UTRN: variants seen among roughly 807,000 people sequenced by gnomAD.
UTRN encodes the protein utrophin.
UTRN carries 283 observed loss-of-function variants against 463.9 expected under a neutral mutation model. That is an observed-to-expected ratio of 0.61 (90% confidence interval 0.55 to 0.67). The LOEUF is 0.67. Ranked by LOEUF, UTRN falls within the 30% of genes least tolerant of loss-of-function variation. UTRN has a pLI of 0.00. For synonymous variants in UTRN, 1,442 were observed against 1,431.5 expected (o/e 1.01, Z -0.17); for missense variants, 3,922 against 4,084.3 (o/e 0.96, Z 1.08).
chr6:144,683,527 T>G (rs182302848), intron 52 of UTRN, among the ~76,000 whole-genome samples: 2 of 152,296 alleles, frequency 1.3e-5, no homozygotes, highest in East Asian at 3.9e-4. Context: ...AGCACACTGT[T>G]CAGCCCTACT....
At chr6:144,661,465 G>C (rs1196374023) in intron 51 of UTRN, among the ~76,000 whole-genome samples, 2 of 152,052 alleles carry the variant, frequency 1.3e-5, no homozygotes, top group South Asian at 4.1e-4. Flanking sequence ...AACACAGGGC[G>C]GACTTCGACC....
At chr6:144,786,243 A>T (rs1776279652) in intron 61 of UTRN, among the ~76,000 whole-genome samples, 1 of 151,992 alleles carries the variant, frequency 6.6e-6, no homozygotes, top group Non-Finnish European at 1.5e-5. Context: ...CAACCAGTTA[A>T]CCTTGATGCA....
At chr6:144,291,245 C>G (rs181089826) in intron 1 of UTRN, among the ~76,000 whole-genome samples, 1 of 152,248 alleles carries the variant, frequency 6.6e-6, no homozygotes, top group Non-Finnish European at 1.5e-5. Flanking sequence ...ACACTTGTCT[C>G]TTGGCTGTCT....
chr6:144,625,657 A>G (rs1775867444), intron 51 of UTRN, among the ~76,000 whole-genome samples: 1 of 152,230 alleles, frequency 6.6e-6, no homozygotes, highest in Non-Finnish European at 1.5e-5. Context: ...GGAATGTGCT[A>G]ATGCAAATAC....
chr6:144,442,063 A>G (rs970724360), intron 13 of UTRN, among the ~76,000 whole-genome samples: 5 of 151,788 alleles, frequency 3.3e-5, no homozygotes, highest in Non-Finnish European at 5.9e-5. Flanking sequence ...TGATGTGAAG[A>G]CCTCTGACAT....
At chr6:144,340,361 A>G (rs1207716070) in intron 2 of UTRN, among the ~76,000 whole-genome samples, 1 of 152,188 alleles carries the variant, frequency 6.6e-6, no homozygotes, top group Non-Finnish European at 1.5e-5. Flanking sequence ...AAAGCCAAGA[A>G]GGTTTACAGA....
chr6:144,772,254 G>A (rs1217258849), intron 59 of UTRN, among the ~76,000 whole-genome samples: 1 of 150,872 alleles, frequency 6.6e-6, no homozygotes, highest in African/African-American at 2.4e-5. Flanking sequence ...GGCTGGTCTC[G>A]AACTCCTGAG....
chr6:144,343,541 C>T (rs1159087283), intron 2 of UTRN, among the ~76,000 whole-genome samples: 2 of 151,154 alleles, frequency 1.3e-5, no homozygotes, highest in Non-Finnish European at 2.9e-5. Flanking sequence ...GCCTGGGTGA[C>T]GAGTGAAAAA....
chr6:144,393,369 A>G (rs1365227651), intron 2 of UTRN, among the ~76,000 whole-genome samples: 1 of 152,254 alleles, frequency 6.6e-6, no homozygotes, highest in Non-Finnish European at 1.5e-5. Context: ...TTCTTTTGGA[A>G]GTTCACGAAC....
intron 74 of UTRN, among the ~76,000 whole-genome samples, chr6:144,849,991 C>T (rs1782348636): frequency 6.6e-6 from 1 of 152,202 alleles, no homozygotes; most frequent in Non-Finnish European, 1.5e-5. Context: ...TTGAATGAGG[C>T]TGCCTGGCTG....
chr6:144,629,421 T>C (rs146480443), intron 51 of UTRN, among the ~76,000 whole-genome samples: 42 of 152,340 alleles, frequency 2.8e-4, no homozygotes, highest in African/African-American at 9.4e-4. Context: ...CAGGAAAGTA[T>C]GTAAAACATA....
At chr6:144,488,226 A>T (rs1012492955) in intron 29 of UTRN, among the ~76,000 whole-genome samples, 1 of 152,198 alleles carries the variant, frequency 6.6e-6, no homozygotes, top group African/African-American at 2.4e-5. Context: ...AAGTGCTGTA[A>T]ATAGTAGTTT....
At chr6:144,640,926 A>T (rs965481882) in intron 51 of UTRN, among the ~76,000 whole-genome samples, 2 of 152,216 alleles carry the variant, frequency 1.3e-5, no homozygotes, top group Non-Finnish European at 2.9e-5. Flanking sequence ...ATTAATAAGT[A>T]AATAAAGTGA....
intron 52 of UTRN, among the ~76,000 whole-genome samples, chr6:144,690,679 C>A (rs1783308227): frequency 6.6e-6 from 1 of 152,118 alleles, no homozygotes; most frequent in Admixed American, 6.5e-5. Flanking sequence ...TCCCTTCATC[C>A]CTCTGGAGAC....
chr6:144,714,863 T>C (rs1046443909), intron 53 of UTRN, among the ~76,000 whole-genome samples: 1 of 152,174 alleles, frequency 6.6e-6, no homozygotes, highest in African/African-American at 2.4e-5. Flanking sequence ...TGCTGACTTA[T>C]TAACTGTTCC....
intron 53 of UTRN, 96 bp from the exon 54 acceptor site, chr6:144,730,261 T>C: frequency 7.8e-7 from 1 of 1,286,278 alleles, no homozygotes; most frequent in Non-Finnish European, 1.0e-6. Context: ...AGTCATTTTC[T>C]TGCTAAGTGT....
intron 17 of UTRN, among the ~76,000 whole-genome samples, chr6:144,450,227 A>AC (rs1788126475): frequency 6.6e-6 from 1 of 151,670 alleles, no homozygotes; most frequent in Admixed American, 6.6e-5. Flanking sequence ...CATGCATAGA[A>AC]CTCTCCCTTG....
At chr6:144,406,470 G>A (rs1360043549) in intron 3 of UTRN, among the ~76,000 whole-genome samples, 4 of 150,440 alleles carry the variant, frequency 2.7e-5, no homozygotes, top group South Asian at 2.1e-4. Flanking sequence ...AGGTTGCAGC[G>A]ATTCTCCTGC....
At chr6:144,825,844 G>A (rs1236513966) in intron 66 of UTRN, among the ~76,000 whole-genome samples, 1 of 151,968 alleles carries the variant, frequency 6.6e-6, no homozygotes, top group Non-Finnish European at 1.5e-5. Flanking sequence ...CTAATACTAT[G>A]TTGTTTTATT....
Sources: allele counts gnomAD v4.1 joint callset (sites outside exome capture counted in the v4.1 genomes callset), GRCh38; gene constraint gnomAD v4.1.1; transcripts MANE v1.5; gene names NCBI Gene and HGNC (gene_info 2026-07-23, HGNC 2026-07-21).